RPS4X: variants seen among roughly 807,000 people sequenced by gnomAD.
The protein encoded by RPS4X is ribosomal protein S4 X-linked, also known as small ribosomal subunit protein eS4, X isoform.
For synonymous variants in RPS4X, 76 were observed against 76.8 expected (o/e 0.99, Z 0.06); for missense variants, 90 against 219.1 (o/e 0.41, Z 3.72).
chrX:72,272,834 A>G (rs2043186278), intron 6 of RPS4X, 62 bp from the exon 7 acceptor site: 2 of 807,266 alleles, frequency 2.5e-6, no homozygotes, highest in East Asian at 6.3e-5. Context: ...GGCTTGGCAC[A>G]TGCTACATTT....
intron 6 of RPS4X, 133 bp downstream of exon 6, chrX:72,273,099 G>T: frequency 1.7e-6 from 1 of 584,597 alleles, no homozygotes; most frequent in Non-Finnish European, 2.7e-6. Context: ...GCCCAGCTCT[G>T]CGTGAGTCCT....
intron 6 of RPS4X, 115 bp from the exon 7 acceptor site, chrX:72,272,887 T>C: frequency 1.9e-6 from 1 of 532,186 alleles, no homozygotes. Context: ...GTGAGAGTGC[T>C]TGGCATCAGC....
At chrX:72,274,561 A>T in intron 4 of RPS4X, 1 of 302,697 alleles carries the variant, frequency 3.3e-6, no homozygotes, top group South Asian at 3.3e-5. Flanking sequence ...ATAATCAAAG[A>T]CTGTAATCTT....
chrX:72,273,741 T>C (rs780366828), intron 5 of RPS4X, 60 bp downstream of exon 5: 4 of 1,005,457 alleles, frequency 4.0e-6, no homozygotes, highest in Non-Finnish European at 5.6e-6. Context: ...CCAGACCCTG[T>C]GCAATTCATA....
At chrX:72,273,740 GTGCAATTCATAA>G in intron 5 of RPS4X, 49 bp downstream of exon 5, 2 of 1,004,843 alleles carry the variant, frequency 2.0e-6, no homozygotes, top group Middle Eastern at 5.1e-4. Context: ...CCCAGACCCT[GTGCAATTCATAA>G]TGATCTAGGC....
chrX:72,273,214 A>G lies in RPS4X; in HGVS notation c.690+18T>C, dbSNP rs2043187697. ...TACATATTTCCTCAGACTAGAGAGA[A>G]GGAAAACCCAGACTTACCTTGCCAA... On this transcript the variant is annotated intron_variant, in intron 6 of 6. Coordinates refer to ENST00000316084, the MANE Select transcript of RPS4X (RefSeq NM_001007.5). The G allele has an allele frequency of 8.4e-7, 1 of 1,193,064 alleles. No homozygotes were observed. The highest frequency in any genetic ancestry group is 1.8e-5 in the African/African-American group (1 of 56,694).
Position 72,277,205 on chromosome X carries a change from A to T in RPS4X, c.-10T>A. 1 of 1,210,301 alleles carries T rather than the reference A, an allele frequency of 8.3e-7. No individual in the cohort carries two copies. Among genetic ancestry groups the T allele is most frequent in the Non-Finnish European group, 1.1e-6 (1 of 894,551 alleles). On this transcript the variant is annotated 5_prime_UTR_variant, in exon 1 of 7. Coordinates refer to ENST00000316084, the MANE Select transcript of RPS4X (RefSeq NM_001007.5). Reference sequence around the variant, plus strand: ...CTAAACGGCTTACCATGGCTGCGTTAGGCAAGGAAAGAGGACCTCCGTCTT... The same window carrying T: ...CTAAACGGCTTACCATGGCTGCGTTTGGCAAGGAAAGAGGACCTCCGTCTT...
At chrX:72,277,058 G>A (rs2043208095) in intron 1 of RPS4X, 135 bp downstream of exon 1, 2 of 755,928 alleles carry the variant, frequency 2.6e-6, no homozygotes. Context: ...AGCCCGTCCC[G>A]GCCTACCACG....
chrX:72,274,516 C>T, intron 4 of RPS4X: 2 of 332,646 alleles, frequency 6.0e-6, no homozygotes, highest in South Asian at 5.6e-5. Flanking sequence ...CAGCCCTAAA[C>T]TTTTGTGTAA....
Position 72,272,544 on chromosome X carries a change from T to C in RPS4X, c.*127A>G. On this transcript the variant is annotated 3_prime_UTR_variant, in exon 7 of 7. Transcript: ENST00000316084. The stretch of plus-strand genomic sequence containing the variant: ...CCTGAGAACTTAATCACTGTTCATG[T>C]TATACAGTAAAATAGCAGGAAACTG... The C allele has an allele frequency of 4.3e-6, 2 of 463,762 alleles. No homozygotes were observed. The highest frequency in any genetic ancestry group is 7.4e-6 in the Non-Finnish European group (2 of 269,537). The allele number at this position is 463,762 out of a possible 1,213,427, so 38.2% of individuals were successfully genotyped here. A position where few individuals can be genotyped will look rare whatever the true frequency, so the allele number is the denominator to read the frequency against.
At chrX:72,272,891 C>T (rs185166384) in intron 6 of RPS4X, 119 bp from the exon 7 acceptor site, 47 of 519,003 alleles carry the variant, frequency 9.1e-5, no homozygotes, top group African/African-American at 8.2e-4. Flanking sequence ...GAGTGCTTGG[C>T]ATCAGCTAGG....
In RPS4X at chrX:72,272,094, A is replaced by T. The variant is rs765899999; in HGVS notation, c.*577T>A. ...TCTACATCTCTGTCCTCTGAAAAAC[A>T]GAGTTGAGGACTGCAGCGGCAGCTG... On this transcript the variant is annotated 3_prime_UTR_variant, in exon 7 of 7. Transcript: ENST00000316084. 2 of 112,692 alleles carry T rather than the reference A, an allele frequency of 1.8e-5. No homozygotes were observed. Among genetic ancestry groups the T allele is most frequent in the East Asian group, 5.6e-4 (2 of 3,582 alleles). 9.3% of individuals were successfully genotyped at this position (112,692 alleles called of 1,213,427 possible).
chrX:72,274,283 T>A (rs1343855755), intron 4 of RPS4X: 4 of 343,415 alleles, frequency 1.2e-5, no homozygotes, highest in Non-Finnish European at 1.7e-5. Flanking sequence ...CTGAGTTTTG[T>A]CTCACAAACA....
chrX:72,276,136 A>T lies in RPS4X; in HGVS notation c.81+21T>A, dbSNP rs747053419. ...ACACTTAAAAACAGTGGCCACGGAA[A>T]TATTTATATAAGATACTTACAAACA... On this transcript the variant is annotated intron_variant, in intron 2 of 6. Coordinates refer to ENST00000316084, the MANE Select transcript of RPS4X (RefSeq NM_001007.5). 5 of 1,172,684 alleles carry T rather than the reference A, an allele frequency of 4.3e-6. No homozygotes were observed. In the Admixed American group the frequency reaches 8.8e-5, roughly 21 times the overall value.
intron 3 of RPS4X, 23 bp from the exon 4 acceptor site, chrX:72,275,173 T>C: frequency 9.6e-7 from 1 of 1,044,467 alleles, no homozygotes; most frequent in Non-Finnish European, 1.3e-6. Context: ...AGTAACCGGT[T>C]ACTACATACA....
intron 4 of RPS4X, chrX:72,274,629 C>T: frequency 3.9e-6 from 1 of 254,487 alleles, no homozygotes; most frequent in South Asian, 4.5e-5. Flanking sequence ...CGACACCTTC[C>T]CCTCCCCAAA....
chrX:72,276,801 T>C (rs1267108747), intron 1 of RPS4X, among the ~76,000 whole-genome samples: 1 of 112,493 alleles, frequency 8.9e-6, no homozygotes, highest in African/African-American at 3.2e-5. Flanking sequence ...CGGCCACGTA[T>C]GGTAAAGTCA....
chrX:72,277,144 G>A (rs375404976), intron 1 of RPS4X, 49 bp downstream of exon 1: 48 of 1,203,837 alleles, frequency 4.0e-5, no homozygotes, highest in Non-Finnish European at 5.1e-5. Context: ...CCGGCCGGGG[G>A]AGGATGGAGG....
chrX:72,276,262 A>AAT, intron 1 of RPS4X, 28 bp from the exon 2 acceptor site: 1 of 1,142,078 alleles, frequency 8.8e-7, no homozygotes, highest in Middle Eastern at 2.7e-4. Context: ...CAATGCTGTT[A>AAT]ATCAGGTTTC....
Sources: allele counts gnomAD v4.1 joint callset (sites outside exome capture counted in the v4.1 genomes callset), GRCh38; gene constraint gnomAD v4.1.1; transcripts MANE v1.5; gene names NCBI Gene and HGNC (gene_info 2026-07-23, HGNC 2026-07-21).